ABL2: variants seen among roughly 807,000 people sequenced by gnomAD.
ABL2 encodes the protein tyrosine-protein kinase ABL2.
ABL2 carries 49 observed loss-of-function variants against 107.7 expected under a neutral mutation model. The observed-to-expected ratio is 0.45, with a 90% CI of 0.36 to 0.58. The LOEUF (loss-of-function observed/expected upper bound fraction) is 0.58, where lower values mean the gene tolerates loss of function less well. Ranked by LOEUF, ABL2 falls within the 20% of genes least tolerant of loss-of-function variation. ABL2 has a pLI of 0.00. For synonymous variants in ABL2, 549 were observed against 548.6 expected, an observed-to-expected ratio of 1.00 and a Z score of -0.01; for missense variants, 1,245 against 1,457.0, an observed-to-expected ratio of 0.85 and a Z score of 2.37.
At chr1:179,194,765 G>A (rs1661207125) in intron 1 of ABL2, among the ~76,000 whole-genome samples, 1 of 151,902 alleles carries the variant, frequency 6.6e-6, no homozygotes, top group African/African-American at 2.4e-5. Flanking sequence ...TGGTTACTCA[G>A]GAACAAATAT....
intron 9 of ABL2, 68 bp downstream of exon 9, chr1:179,114,810 C>T (rs1654463507): frequency 1.4e-6 from 2 of 1,453,686 alleles, no homozygotes; most frequent in Non-Finnish European, 1.8e-6. Context: ...AGAAATGTTT[C>T]TAATTTTGTT....
chr1:179,183,729 T>C (rs1400111987), intron 1 of ABL2: 1 of 152,476 alleles, frequency 6.6e-6, no homozygotes, highest in Non-Finnish European at 1.5e-5. Flanking sequence ...TCTTCATCTG[T>C]AAAATTAAGG....
intron 1 of ABL2, among the ~76,000 whole-genome samples, chr1:179,186,324 C>T (rs1660682589): frequency 6.6e-6 from 1 of 152,056 alleles, no homozygotes; most frequent in African/African-American, 2.4e-5. Context: ...ATTTATTTCA[C>T]AATTCTTTTT....
chr1:179,216,038 T>G (rs1259262130), intron 1 of ABL2, among the ~76,000 whole-genome samples: 1 of 152,234 alleles, frequency 6.6e-6, no homozygotes, highest in African/African-American at 2.4e-5. Context: ...GAAAGGTTTT[T>G]GAACACTTCT....
intron 1 of ABL2, among the ~76,000 whole-genome samples, chr1:179,136,169 A>G (rs1402345487): frequency 2.0e-5 from 3 of 151,722 alleles, no homozygotes; most frequent in South Asian, 2.1e-4. Flanking sequence ...CTGGGAAGTG[A>G]GGAGCCCCTC....
intron 1 of ABL2, among the ~76,000 whole-genome samples, chr1:179,157,755 A>G (rs1571218058): frequency 6.8e-6 from 1 of 147,582 alleles, no homozygotes; most frequent in African/African-American, 2.5e-5. Context: ...CCCAGGCTGG[A>G]GTGCAATGGT....
chr1:179,147,181 CAAAAAAAA>C (rs58297805), intron 1 of ABL2, among the ~76,000 whole-genome samples: 5 of 50,528 alleles, frequency 9.9e-5, no homozygotes, highest in Non-Finnish European at 1.4e-4. Context: ...CAGAGAAATG[CAAAAAAAA>C]AAAAAAAAAA....
chr1:179,107,288 G>A lies in ABL2; in HGVS notation c.*430C>T. The A allele has an allele frequency of 4.2e-6, 1 of 236,146 alleles. No homozygotes were observed. The highest frequency in any genetic ancestry group is 8.4e-6 in the Non-Finnish European group (1 of 119,708). 14.6% of individuals were successfully genotyped at this position (236,146 alleles called of 1,614,324 possible). A position where few individuals can be genotyped will look rare whatever the true frequency, so the allele number is the denominator to read the frequency against. On this transcript the variant is annotated 3_prime_UTR_variant, in exon 12 of 12. Transcript: ENST00000502732. Reference sequence around the variant, plus strand: ...TGGTACATTCCCAGCTTTCTTTTCTGCTGTCCCACCAAATTCATTAGGTAA... The same window carrying A: ...TGGTACATTCCCAGCTTTCTTTTCTACTGTCCCACCAAATTCATTAGGTAA...
At chr1:179,120,461 GCT>G (rs1230088051) in intron 5 of ABL2, among the ~76,000 whole-genome samples, 187 bp from the exon 6 acceptor site, 1 of 151,978 alleles carries the variant, frequency 6.6e-6, no homozygotes, top group Non-Finnish European at 1.5e-5. Context: ...ACACGGTCTC[GCT>G]CTGTTACCCA....
At chr1:179,164,127 C>T (rs980726952) in intron 1 of ABL2, among the ~76,000 whole-genome samples, 1 of 151,882 alleles carries the variant, frequency 6.6e-6, no homozygotes, top group Non-Finnish European at 1.5e-5. Context: ...TGGGGTTATG[C>T]GAATTTACAT....
chr1:179,183,725 T>C (rs926652485), intron 1 of ABL2: 2 of 152,540 alleles, frequency 1.3e-5, no homozygotes, highest in Non-Finnish European at 2.9e-5. Context: ...CATTTCTTCA[T>C]CTGTAAAATT....
At chr1:179,133,718 T>C (rs774019031) in intron 1 of ABL2, among the ~76,000 whole-genome samples, 1 of 152,206 alleles carries the variant, frequency 6.6e-6, no homozygotes, top group Non-Finnish European at 1.5e-5. Flanking sequence ...CCCCAGTGGA[T>C]GCTTAAAATC....
chr1:179,176,473 A>T (rs1406078165), intron 1 of ABL2, among the ~76,000 whole-genome samples: 1 of 151,150 alleles, frequency 6.6e-6, no homozygotes, highest in Non-Finnish European at 1.5e-5. Flanking sequence ...AAATATATAC[A>T]CTATGTACCC....
At chr1:179,124,532 G>A (rs550042890) in intron 4 of ABL2, among the ~76,000 whole-genome samples, 319 of 141,890 alleles carry the variant, frequency 2.2e-3, no homozygotes, top group Admixed American at 3.9e-3. Context: ...GCAGTGGCAC[G>A]ATCTTGGCTC....
chr1:179,204,866 A>G (rs184487285), intron 1 of ABL2, among the ~76,000 whole-genome samples: 3 of 152,304 alleles, frequency 2.0e-5, no homozygotes, highest in Non-Finnish European at 4.4e-5. Context: ...AATCTGATTA[A>G]TAGACTCTGT....
At chr1:179,119,083 G>A (rs900322881) in intron 6 of ABL2, among the ~76,000 whole-genome samples, 14 of 110,900 alleles carry the variant, frequency 1.3e-4, no homozygotes, top group African/African-American at 4.5e-4. Context: ...CATGGCCCAT[G>A]ATTCTCCTCC....
At chr1:179,113,018 C>T (rs935060840) in intron 9 of ABL2, among the ~76,000 whole-genome samples, 2 of 152,070 alleles carry the variant, frequency 1.3e-5, no homozygotes, top group African/African-American at 2.4e-5. Context: ...CCTCCCAAAG[C>T]GCTGGGATTA....
At chr1:179,118,357 T>A (rs893916744) in intron 7 of ABL2, among the ~76,000 whole-genome samples, 8 of 152,146 alleles carry the variant, frequency 5.3e-5, no homozygotes, top group African/African-American at 1.9e-4. Context: ...TATTGCAATT[T>A]TTTTTTAAGA....
intron 1 of ABL2, among the ~76,000 whole-genome samples, chr1:179,148,039 C>CT (rs1393464807): frequency 0.43 from 56,428 of 130,990 alleles, 12,626 homozygotes; most frequent in Admixed American, 0.5. Flanking sequence ...CTTTTCTTTT[C>CT]TTTTTTTTTT....
Sources: gnomAD v4.1 joint callset for allele counts (sites outside exome capture counted in the v4.1 genomes callset) on GRCh38, gnomAD v4.1.1 for gene constraint, MANE v1.5 for transcripts, NCBI Gene and HGNC (gene_info 2026-07-23, HGNC 2026-07-21) for gene names.